Variants in PBRM1 observed in about 807,000 individuals in gnomAD.
PBRM1 encodes protein polybromo-1.
A neutral mutation model predicts 194.5 loss-of-function variants in PBRM1; 27 were observed. That is an observed-to-expected ratio of 0.14 (90% CI 0.10 to 0.19). PBRM1 has a LOEUF of 0.19. Ranked by LOEUF, PBRM1 falls within the 10% of genes least tolerant of loss-of-function variation. PBRM1 has a pLI of 1.00. For synonymous variants in PBRM1, 655 were observed against 693.2 expected, an observed-to-expected ratio of 0.94 and a Z score of 0.87; for missense variants, 1,466 against 2,077.2, an observed-to-expected ratio of 0.71 and a Z score of 5.72.
At position 52,603,512 on chromosome 3, in the gene PBRM1, G is replaced by A. The variant is rs769936246; in HGVS notation, c.2779+9C>T. The A allele has an allele frequency of 1.3e-5, 21 of 1,591,286 alleles. No individual in the cohort carries two copies. In the African/African-American group the frequency reaches 2.3e-4, roughly 17 times the overall value. Reference sequence around the variant, plus strand: ...TTTTTCATATTCAATAAAATGAAAAGAAACCAACCTCTTTTTTCTTCTTCT... The same window carrying A: ...TTTTTCATATTCAATAAAATGAAAAAAAACCAACCTCTTTTTTCTTCTTCT... On this transcript the variant is annotated intron_variant, in intron 17 of 29. Coordinates refer to ENST00000296302, the Ensembl canonical transcript of PBRM1.
intron 7 of PBRM1, among the ~76,000 whole-genome samples, chr3:52,646,753 T>A (rs1352847679): frequency 6.6e-6 from 1 of 152,174 alleles, no homozygotes; most frequent in East Asian, 1.9e-4. Context: ...TATATAAAAA[T>A]TACTTCAAAC....
chr3:52,685,223 C>T (rs545974599), intron 1 of PBRM1, among the ~76,000 whole-genome samples: 1 of 152,234 alleles, frequency 6.6e-6, no homozygotes, highest in South Asian at 2.1e-4. Context: ...CTTCCCCAAA[C>T]CAAGAAATAT....
chr3:52,597,611 G>A (rs1033411668), intron 17 of PBRM1, among the ~76,000 whole-genome samples: 2 of 151,950 alleles, frequency 1.3e-5, no homozygotes, highest in Non-Finnish European at 2.9e-5. Context: ...CAGGTTTCAG[G>A]GTACTGGCAC....
At chr3:52,588,378 T>C (rs991699974) in intron 18 of PBRM1, among the ~76,000 whole-genome samples, 1 of 151,432 alleles carries the variant, frequency 6.6e-6, no homozygotes, top group Non-Finnish European at 1.5e-5. Flanking sequence ...TCTATAATAA[T>C]TTCTTTTTTG....
At chr3:52,623,528 C>T (rs2095347509) in intron 13 of PBRM1, among the ~76,000 whole-genome samples, 1 of 152,136 alleles carries the variant, frequency 6.6e-6, no homozygotes, top group Admixed American at 6.5e-5. Context: ...ATGAGTCTTC[C>T]CAGACAAGTA....
chr3:52,546,729 T>G, downstream of PBRM1: 1 of 233,084 alleles, frequency 4.3e-6, no homozygotes, highest in Non-Finnish European at 8.5e-6. Context: ...TGCCATCCTA[T>G]GCTGCCTTCA....
intron 13 of PBRM1, among the ~76,000 whole-genome samples, chr3:52,620,579 G>C (rs910199407): frequency 6.6e-6 from 1 of 152,162 alleles, no homozygotes; most frequent in Non-Finnish European, 1.5e-5. Context: ...ATTTTTATAA[G>C]AGGAGAGAAA....
At chr3:52,563,568 T>A in intron 23 of PBRM1, 75 bp from the exon 26 acceptor site, 1 of 1,024,754 alleles carries the variant, frequency 9.8e-7, no homozygotes, top group Non-Finnish European at 1.5e-6. Flanking sequence ...GTGTTCCACC[T>A]TAACAACTAG....
chr3:52,634,825 CAAAA>C lies in PBRM1; in HGVS notation c.1088-14_1088-11del. 1.3e-6 allele frequency: 2 copies of C among 1,585,566 alleles called. No individual in the cohort carries two copies. The highest frequency in any genetic ancestry group is 8.6e-7 in the Non-Finnish European group (1 of 1,162,846). Reference sequence around the variant, plus strand: ...TCTTCATAGCGTGCAGCTGGAAAGACAAAAAAAGTATTTATAAAGGGACGAATGA... The same window carrying C: ...TCTTCATAGCGTGCAGCTGGAAAGACAAAGTATTTATAAAGGGACGAATGA... On this transcript the variant is annotated splice_polypyrimidine_tract_variant and intron_variant, in intron 10 of 29. Transcript: ENST00000296302.
At chr3:52,613,333 TTC>T (rs1474925870) in intron 15 of PBRM1, among the ~76,000 whole-genome samples, 1 of 145,844 alleles carries the variant, frequency 6.9e-6, no homozygotes, top group Non-Finnish European at 1.5e-5. Context: ...CACTGGACTA[TTC>T]TGTTTTTTTT....
chr3:52,590,584 A>T (rs1388269370), intron 17 of PBRM1, among the ~76,000 whole-genome samples: 1 of 152,216 alleles, frequency 6.6e-6, no homozygotes, highest in Non-Finnish European at 1.5e-5. Flanking sequence ...TGGAAGAGCT[A>T]ATAATAAGCA....
exon 25 of PBRM1, chr3:52,561,786 G>A (rs747202396): frequency 9.9e-6 from 16 of 1,613,958 alleles, no homozygotes; most frequent in Non-Finnish European, 1.4e-5. Flanking sequence ...CTGCTTTCTT[G>A]GCTGTCTCAA....
At chr3:52,605,251 T>C (rs1024348309) in intron 16 of PBRM1, among the ~76,000 whole-genome samples, 2 of 152,304 alleles carry the variant, frequency 1.3e-5, no homozygotes, top group South Asian at 4.1e-4. Flanking sequence ...GCTCCCTGTG[T>C]TGCCCAGGCT....
exon 29 of PBRM1, chr3:52,550,601 G>C (rs1371444327): frequency 2.0e-6 from 3 of 1,534,682 alleles, no homozygotes; most frequent in Non-Finnish European, 8.8e-7. Flanking sequence ...GGATATGGAG[G>C]TGGTGCCTGC....
intron 22 of PBRM1, among the ~76,000 whole-genome samples, chr3:52,566,970 G>A (rs1327605508): frequency 1.3e-5 from 2 of 151,692 alleles, no homozygotes; most frequent in Non-Finnish European, 2.9e-5. Context: ...TCAGAAGGCT[G>A]AGGCAGGAGA....
chr3:52,679,853 G>T, upstream of PBRM1: 4 of 548,996 alleles, frequency 7.3e-6, no homozygotes, highest in South Asian at 4.2e-5. Flanking sequence ...AGTTTAACTA[G>T]CTATAAGTTT....
At chr3:52,579,021 C>G (rs2090413223) in intron 21 of PBRM1, 33 bp downstream of exon 23, 3 of 1,610,626 alleles carry the variant, frequency 1.9e-6, no homozygotes, top group African/African-American at 1.3e-5. Flanking sequence ...TTCTCAGATT[C>G]AACCTCATCT....
intron 6 of PBRM1, among the ~76,000 whole-genome samples, chr3:52,650,255 C>G (rs934441077): frequency 2.0e-5 from 3 of 148,586 alleles, no homozygotes; most frequent in Non-Finnish European, 4.4e-5. Flanking sequence ...CCCAGCTACT[C>G]GGGAGGCTGA....
intron 14 of PBRM1, 43 bp from the exon 17 acceptor site, chr3:52,615,499 T>C: frequency 8.3e-7 from 1 of 1,211,498 alleles, no homozygotes; most frequent in South Asian, 1.2e-5. Context: ...TAAAAACTTT[T>C]CATTAAGGTA....
Sources: allele counts gnomAD v4.1 joint callset (sites outside exome capture counted in the v4.1 genomes callset), GRCh38; gene constraint gnomAD v4.1.1; transcripts MANE v1.5; gene names NCBI Gene and HGNC (gene_info 2026-07-23, HGNC 2026-07-21).